BMP2K: variants seen among roughly 807,000 people sequenced by gnomAD.
The protein encoded by BMP2K is BMP-2-inducible protein kinase.
BMP2K carries 74 observed loss-of-function variants against 116.0 expected under a neutral mutation model. That is an observed-to-expected ratio of 0.64 (90% CI 0.53 to 0.77). The LOEUF is 0.77. BMP2K is among the 30% of genes least tolerant of loss of function. The pLI is 0.00. For synonymous variants in BMP2K, 486 were observed against 502.5 expected (o/e 0.97, Z 0.44); for missense variants, 1,365 against 1,403.6 (o/e 0.97, Z 0.44).
intron 6 of BMP2K, among the ~76,000 whole-genome samples, chr4:78,850,298 C>T (rs1465058713): frequency 6.6e-6 from 1 of 151,762 alleles, no homozygotes; most frequent in Non-Finnish European, 1.5e-5. Flanking sequence ...GGTTATGAAG[C>T]CATGCAGGTT....
intron 15 of BMP2K, among the ~76,000 whole-genome samples, chr4:78,898,005 A>T (rs1005957941): frequency 6.6e-6 from 1 of 152,140 alleles, no homozygotes; most frequent in Non-Finnish European, 1.5e-5. Context: ...GGGATTGGGA[A>T]ATGAGGAAAG....
intron 1 of BMP2K, among the ~76,000 whole-genome samples, chr4:78,809,178 CTCTTTTGTCATT>C (rs1486564306): frequency 2.0e-5 from 3 of 152,052 alleles, no homozygotes; most frequent in African/African-American, 7.2e-5. Flanking sequence ...GATGGATTGG[CTCTTTTGTCATT>C]TCTTTTATTT....
At chr4:78,794,402 A>G (rs998726608) in intron 1 of BMP2K, among the ~76,000 whole-genome samples, 6 of 152,166 alleles carry the variant, frequency 3.9e-5, no homozygotes, top group Non-Finnish European at 7.3e-5. Context: ...TCTGTGGGAA[A>G]ATATTCTGAA....
intron 2 of BMP2K, among the ~76,000 whole-genome samples, chr4:78,832,033 AT>A (rs1730232332): frequency 6.6e-6 from 1 of 152,172 alleles, no homozygotes; most frequent in African/African-American, 2.4e-5. Context: ...TGGCTGAATA[AT>A]ATCCCATTAT....
chr4:78,789,092 G>T (rs1286962219), intron 1 of BMP2K, among the ~76,000 whole-genome samples: 2 of 151,890 alleles, frequency 1.3e-5, no homozygotes, highest in African/African-American at 4.8e-5. Flanking sequence ...AAAATATCCT[G>T]AGTATTATAT....
At position 78,911,000 on chromosome 4, in the gene BMP2K, C is replaced by G. The variant is rs756342252; in HGVS notation, c.2453C>G (p.Ser818Cys). The change falls in exon 16 of 16, where the codon TCT becomes TGT. Residue 818 changes from serine to cysteine, a missense_variant. This residue lies in a region of BMP2K where 596 missense variants were observed against 623.2 expected (regional missense o/e 0.96). Transcript: ENST00000502613. ...AAAGCAAAGTACAGTGACATGAGCT[C>G]TGTCTACAGAGACAGATCTGGCAGT... is the stretch of plus-strand genomic sequence containing the variant. ...QAKAKYSDMS[S>C]VYRDRSGSGP... The G allele has an allele frequency of 8.1e-6, 13 of 1,613,684 alleles. No individual in the cohort carries two copies. Among genetic ancestry groups the G allele is most frequent in the Non-Finnish European group, 1.1e-5 (13 of 1,179,842 alleles).
chr4:78,818,884 T>A (rs1729485197), intron 1 of BMP2K, among the ~76,000 whole-genome samples: 1 of 151,390 alleles, frequency 6.6e-6, no homozygotes. Context: ...GCAACCTCTG[T>A]CTCCTAGGAT....
intron 13 of BMP2K, among the ~76,000 whole-genome samples, chr4:78,876,090 G>A (rs1732618018): frequency 6.6e-6 from 1 of 152,186 alleles, no homozygotes; most frequent in Admixed American, 6.5e-5. Context: ...ACTAGGTTAA[G>A]GTGATAACCC....
At chr4:78,909,293 C>T (rs748070274) in intron 15 of BMP2K, among the ~76,000 whole-genome samples, 2 of 152,050 alleles carry the variant, frequency 1.3e-5, no homozygotes, top group Non-Finnish European at 2.9e-5. Flanking sequence ...GCCTTGGCCT[C>T]CCAAAGTGCT....
At chr4:78,785,167 G>A (rs1727674031) in intron 1 of BMP2K, among the ~76,000 whole-genome samples, 3 of 152,070 alleles carry the variant, frequency 2.0e-5, no homozygotes. Context: ...CTGGAGTGCA[G>A]TGCTGCAGTT....
Position 78,847,169 on chromosome 4 carries a change from T to G in BMP2K, c.669-19T>G. On this transcript the variant is annotated intron_variant, in intron 5 of 15. Transcript: ENST00000502613. ...ATATATATATATATCTCCACTCCAT[T>G]TCACTCATTTACTGCCAGGTATACA... The G allele has an allele frequency of 1.4e-6, 2 of 1,396,222 alleles. No homozygotes were observed. The highest frequency in any genetic ancestry group is 1.6e-5 in the South Asian group (1 of 63,260). 86.5% of individuals were successfully genotyped at this position (1,396,222 alleles called of 1,614,324 possible).
intron 13 of BMP2K, among the ~76,000 whole-genome samples, chr4:78,876,873 T>C (rs756020279): frequency 7.9e-5 from 12 of 152,196 alleles, no homozygotes; most frequent in Non-Finnish European, 1.5e-4. Context: ...TTACACAAAC[T>C]TAGATGGTAT....
chr4:78,855,675 C>T (rs1396275216), intron 7 of BMP2K, among the ~76,000 whole-genome samples: 1 of 152,128 alleles, frequency 6.6e-6, no homozygotes, highest in African/African-American at 2.4e-5. Context: ...TCAGTTGCCT[C>T]AGACCAGTGT....
Position 78,846,300 on chromosome 4 carries a change from A to G in BMP2K, c.669-888A>G, listed in dbSNP as rs909173750. On this transcript the variant is annotated intron_variant, in intron 5 of 15. Transcript: ENST00000502613. Reference sequence around the variant, plus strand: ...ATGCTGGGGTGGGGGTATAGTGAATAAAAATCCTGTTTTGGTGAACTTTAT... The same window carrying G: ...ATGCTGGGGTGGGGGTATAGTGAATGAAAATCCTGTTTTGGTGAACTTTAT... Among the ~76,000 whole-genome samples the G allele has an allele frequency of 3.3e-5, 5 of 151,624 alleles. No homozygotes were observed. In the South Asian group the frequency reaches 8.3e-4, roughly 25 times the overall value.
intron 1 of BMP2K, among the ~76,000 whole-genome samples, chr4:78,818,414 C>G (rs1232419769): frequency 6.6e-6 from 1 of 152,232 alleles, no homozygotes; most frequent in African/African-American, 2.4e-5. Flanking sequence ...TCCACATCCT[C>G]TCCAGCATCT....
chr4:78,789,429 C>T (rs1427214023), intron 1 of BMP2K, among the ~76,000 whole-genome samples: 2 of 152,234 alleles, frequency 1.3e-5, no homozygotes, highest in African/African-American at 4.8e-5. Context: ...TAGCTATAGT[C>T]ATAGCTCCTG....
intron 8 of BMP2K, chr4:78,860,019 T>G (rs764815781): frequency 9.7e-6 from 5 of 515,048 alleles, no homozygotes; most frequent in Non-Finnish European, 1.9e-5. Flanking sequence ...CTGTTAGTTT[T>G]TTTTTTTTTT....
At chr4:78,896,646 A>G (rs1733718588) in intron 15 of BMP2K, among the ~76,000 whole-genome samples, 1 of 152,214 alleles carries the variant, frequency 6.6e-6, no homozygotes, top group African/African-American at 2.4e-5. Context: ...TATGAGACTA[A>G]TATGTCTACT....
intron 15 of BMP2K, among the ~76,000 whole-genome samples, chr4:78,893,479 C>A (rs1383621057): frequency 4.6e-5 from 7 of 152,176 alleles, no homozygotes; most frequent in African/African-American, 1.7e-4. Context: ...ATGGTGAATT[C>A]TTTTCAGGTT....
Sources: allele counts gnomAD v4.1 joint callset (sites outside exome capture counted in the v4.1 genomes callset), GRCh38; gene constraint gnomAD v4.1.1; regional missense constraint gnomAD v4.1.1; transcripts MANE v1.5; gene names NCBI Gene and HGNC (gene_info 2026-07-23, HGNC 2026-07-21).